SLC4A4: variants seen among roughly 807,000 people sequenced by gnomAD.
The protein encoded by SLC4A4 is electrogenic sodium bicarbonate cotransporter 1.
In SLC4A4, 27 loss-of-function variants were observed where a neutral mutation model predicts 111.5. That is an observed-to-expected ratio of 0.24 (90% confidence interval 0.18 to 0.33). The LOEUF (loss-of-function observed/expected upper bound fraction) is 0.33. Ranked by LOEUF, SLC4A4 falls within the 10% of genes least tolerant of loss-of-function variation. The pLI, the probability that SLC4A4 is intolerant of heterozygous loss-of-function variation, is 1.00. For missense variants in SLC4A4, 909 were observed against 1,315.5 expected (o/e 0.69, Z 4.78); for synonymous variants, 443 against 463.4 (o/e 0.96, Z 0.57).
rs1051235483 is a variant in SLC4A4, at chr4:71,305,123, C to T, written c.254-34247C>T. On this transcript the variant is annotated intron_variant, in intron 3 of 25. Transcript: ENST00000264485. The stretch of plus-strand genomic sequence containing the variant: ...ATTTCTGTGAGTTCTCAATTACTTG[C>T]CTCAAAGAATGAGGCTCAGAGGAAT... 3.9e-5 allele frequency among the ~76,000 whole-genome samples: 6 copies of T among 152,162 alleles called. No homozygotes were observed. In the East Asian group the frequency reaches 1.2e-3, roughly 29 times the overall value.
At chr4:71,376,061 A>G (rs1417784096) in intron 6 of SLC4A4, among the ~76,000 whole-genome samples, 3 of 149,456 alleles carry the variant, frequency 2.0e-5, no homozygotes, top group African/African-American at 7.5e-5. Context: ...ACGTATATAT[A>G]TATACATATA....
In SLC4A4 at chr4:71,568,527, TGAAC is replaced by T. The variant is rs1668356885; in HGVS notation, c.*777_*780del. 6.6e-6 allele frequency: 1 copy of T among 152,252 alleles called. No homozygotes were observed. Among genetic ancestry groups the T allele is most frequent in the Admixed American group, 6.6e-5 (1 of 15,186 alleles). The allele number at this position is 152,252 out of a possible 1,614,324, so 9.4% of individuals were successfully genotyped here. The stretch of plus-strand genomic sequence containing the variant: ...TATGCAACTTTTTTTAACCCTTTAA[TGAAC>T]TTATCTGTTGAGTACATTGAAGAAT... On this transcript the variant is annotated 3_prime_UTR_variant, in exon 26 of 26. Transcript: ENST00000264485.
intron 2 of SLC4A4, among the ~76,000 whole-genome samples, chr4:71,108,956 A>G (rs777993004): frequency 6.6e-6 from 1 of 152,000 alleles, no homozygotes; most frequent in Non-Finnish European, 1.5e-5. Flanking sequence ...GCCTTTATCT[A>G]GTTGATCTGC....
chr4:71,151,629 T>C (rs891228747), intron 2 of SLC4A4, among the ~76,000 whole-genome samples: 1 of 151,762 alleles, frequency 6.6e-6, no homozygotes, highest in African/African-American at 2.4e-5. Context: ...ACGTAAAAAA[T>C]ATTTCCTGTC....
chr4:71,210,799 G>T (rs1435569843), intron 1 of SLC4A4, among the ~76,000 whole-genome samples: 3 of 152,188 alleles, frequency 2.0e-5, no homozygotes, highest in Non-Finnish European at 4.4e-5. Flanking sequence ...CCTGAATGAA[G>T]TGTCTGTATC....
In SLC4A4 at chr4:71,480,591, C is replaced by G. The variant is rs186258722; in HGVS notation, c.1904-6357C>G. On this transcript the variant is annotated intron_variant, in intron 14 of 25. Transcript: ENST00000264485. The stretch of plus-strand genomic sequence containing the variant: ...ACTAGTGTGCTCAAGTTATCCAGAA[C>G]CCTTAAATAAATCTGACATGACCAT... Among the ~76,000 whole-genome samples, 649 of 151,802 alleles carry G rather than the reference C, an allele frequency of 4.3e-3. 8 individuals are homozygous for G. The highest frequency in any genetic ancestry group is 8.9e-3 in the Admixed American group (136 of 15,212).
intron 18 of SLC4A4, among the ~76,000 whole-genome samples, chr4:71,535,111 G>A (rs1387105436): frequency 6.6e-6 from 1 of 152,130 alleles, no homozygotes; most frequent in Non-Finnish European, 1.5e-5. Context: ...CTATTATTTA[G>A]TGGAGGGCTA....
chr4:71,424,186 G>T (rs1722850774), intron 7 of SLC4A4, among the ~76,000 whole-genome samples: 1 of 152,056 alleles, frequency 6.6e-6, no homozygotes, highest in Non-Finnish European at 1.5e-5. Context: ...CAAAGGACAT[G>T]AACAGACACT....
chr4:71,304,129 G>C (rs1725494074), intron 3 of SLC4A4, among the ~76,000 whole-genome samples: 1 of 152,174 alleles, frequency 6.6e-6, no homozygotes, highest in Non-Finnish European at 1.5e-5. Context: ...TTTCATATGG[G>C]AAGTTGTATT....
chr4:71,246,468 G>A (rs1473300303), intron 2 of SLC4A4, among the ~76,000 whole-genome samples: 1 of 152,164 alleles, frequency 6.6e-6, no homozygotes, highest in Non-Finnish European at 1.5e-5. Flanking sequence ...AGACCTGAAA[G>A]GAATAAAAGG....
At chr4:71,363,272 G>A (rs764354272) in intron 6 of SLC4A4, among the ~76,000 whole-genome samples, 9 of 152,200 alleles carry the variant, frequency 5.9e-5, no homozygotes, top group Admixed American at 1.3e-4. Context: ...AGTGATATTA[G>A]TTGGGCTCTT....
intron 3 of SLC4A4, among the ~76,000 whole-genome samples, chr4:71,317,460 T>C (rs1176906394): frequency 6.6e-6 from 1 of 152,064 alleles, no homozygotes; most frequent in Non-Finnish European, 1.5e-5. Context: ...AGGGATGGCT[T>C]GTTGAAAAGT....
intron 1 of SLC4A4, among the ~76,000 whole-genome samples, chr4:71,075,567 C>T (rs984667850): frequency 6.6e-6 from 1 of 152,162 alleles, no homozygotes; most frequent in Admixed American, 6.5e-5. Context: ...AGGAACTTTG[C>T]CCTTGCTGTT....
rs1034080021 is a variant in SLC4A4, at chr4:71,447,519, C to A, written c.966-127C>A. 10 of 709,620 alleles carry A rather than the reference C, an allele frequency of 1.4e-5. No individual in the cohort carries two copies. In the African/African-American group the frequency reaches 1.6e-4, roughly 11 times the overall value. The allele number at this position is 709,620 out of a possible 1,614,324, so 44.0% of individuals were successfully genotyped here. On this transcript the variant is annotated intron_variant, in intron 8 of 25. Transcript: ENST00000264485. ...ATTCTGTACTACCAATAATATATTACCTTTGTTTTAAAGGTGAATTCTAGA... is the reference window on the plus strand; with the variant it reads ...ATTCTGTACTACCAATAATATATTAACTTTGTTTTAAAGGTGAATTCTAGA...
At chr4:71,378,335 A>T (rs186776521) in intron 6 of SLC4A4, among the ~76,000 whole-genome samples, 21 of 152,316 alleles carry the variant, frequency 1.4e-4, no homozygotes, top group African/African-American at 5.1e-4. Flanking sequence ...GGCTGAGAGC[A>T]ATGTGAAGTT....
At chr4:71,069,881 A>C (rs1741621238) in intron 1 of SLC4A4, among the ~76,000 whole-genome samples, 1 of 151,996 alleles carries the variant, frequency 6.6e-6, no homozygotes, top group South Asian at 2.1e-4. Flanking sequence ...TTAATGAATA[A>C]AATTAGTTTT....
intron 20 of SLC4A4, among the ~76,000 whole-genome samples, chr4:71,554,229 G>A (rs1475730002): frequency 7.2e-5 from 11 of 151,772 alleles, no homozygotes; most frequent in Non-Finnish European, 1.5e-4. Context: ...ATGTGGATTT[G>A]GTAAGATTGG....
At chr4:71,282,766 A>G (rs1462527341) in intron 3 of SLC4A4, among the ~76,000 whole-genome samples, 2 of 149,486 alleles carry the variant, frequency 1.3e-5, no homozygotes, top group Admixed American at 1.3e-4. Context: ...TTTTTGAGAC[A>G]GTGTCTCACT....
chr4:71,557,944 G>A, intron 22 of SLC4A4, 59 bp downstream of exon 22: 1 of 1,450,480 alleles, frequency 6.9e-7, no homozygotes, highest in South Asian at 1.1e-5. Flanking sequence ...TGTGGTTATT[G>A]TTATATGGAA....
Sources: gnomAD v4.1 joint callset for allele counts (sites outside exome capture counted in the v4.1 genomes callset) on GRCh38, gnomAD v4.1.1 for gene constraint, MANE v1.5 for transcripts, NCBI Gene and HGNC (gene_info 2026-07-23, HGNC 2026-07-21) for gene names.